The following CUX2 variants were observed in gnomAD, a reference collection of about 807,000 sequenced individuals.
The protein encoded by CUX2 is cut like homeobox 2, also known as homeobox protein cut-like 2.
In CUX2, 40 loss-of-function variants were observed where a neutral mutation model predicts 144.8. The ratio of observed to expected loss-of-function variants is 0.28; its 90% CI spans 0.21 to 0.36. The LOEUF (loss-of-function observed/expected upper bound fraction) is 0.36. CUX2 is among the 10% of genes least tolerant of loss of function. The probability of loss-of-function intolerance (pLI) is 1.00; values close to 1 mark genes in which losing one functional copy is unlikely to be tolerated. For missense variants in CUX2, 1,615 were observed against 1,994.0 expected (o/e 0.81, Z 3.62); for synonymous variants, 827 against 875.6 (o/e 0.94, Z 0.98).
chr12:111,344,814 T>G (rs773836070), intron 21 of CUX2, among the ~76,000 whole-genome samples: 1 of 152,208 alleles, frequency 6.6e-6, no homozygotes, highest in Non-Finnish European at 1.5e-5. Context: ...CTTGAGACCA[T>G]GCCAGTTCCT....
chr12:111,231,708 G>T (rs1882469005), intron 3 of CUX2, among the ~76,000 whole-genome samples: 2 of 152,140 alleles, frequency 1.3e-5, no homozygotes, highest in South Asian at 4.1e-4. Flanking sequence ...AAAAATAATA[G>T]TACAACAATT....
chr12:111,077,970 G>A lies in CUX2; in HGVS notation c.63+43730G>A, dbSNP rs1871629653. On this transcript the variant is annotated intron_variant, in intron 1 of 21. Transcript: ENST00000261726. This position sits in a 1 kb window ranked among gnomAD's most constrained non-coding sequence, Gnocchi z 4.1. ...CAAGAAAGAAGAGAGGAAACAAAGG[G>A]AGTCCAGGTGGTACCCAGGGGTGGC... is the stretch of plus-strand genomic sequence containing the variant. Among the ~76,000 whole-genome samples, 1 of 152,228 alleles carries A rather than the reference G, an allele frequency of 6.6e-6. No individual in the cohort carries two copies. Among genetic ancestry groups the A allele is most frequent in the Admixed American group, 6.5e-5 (1 of 15,292 alleles).
intron 1 of CUX2, among the ~76,000 whole-genome samples, chr12:111,064,995 T>C (rs191977065): frequency 5.1e-4 from 77 of 152,372 alleles, no homozygotes; most frequent in African/African-American, 1.8e-3. Context: ...CTGTGTATAA[T>C]AATTTCATTA....
intron 3 of CUX2, among the ~76,000 whole-genome samples, chr12:111,220,825 A>G (rs1350814028): frequency 6.8e-6 from 1 of 147,178 alleles, no homozygotes; most frequent in Non-Finnish European, 1.5e-5. Flanking sequence ...AGTCCCAGCT[A>G]CTCAGGAGGC....
At chr12:111,267,492 G>A (rs959799781) in intron 4 of CUX2, among the ~76,000 whole-genome samples, 2 of 152,188 alleles carry the variant, frequency 1.3e-5, no homozygotes, top group African/African-American at 2.4e-5. Context: ...TGTGACTCGG[G>A]TCTCATCATG....
At chr12:111,149,659 A>G (rs1385791430) in intron 1 of CUX2, among the ~76,000 whole-genome samples, 2 of 152,200 alleles carry the variant, frequency 1.3e-5, no homozygotes, top group African/African-American at 4.8e-5. Context: ...TCGTGTTTTA[A>G]AGCCACACCA....
Position 111,119,675 on chromosome 12 carries a change from G to C in CUX2, c.63+85435G>C, listed in dbSNP as rs371102470. 3.7e-4 allele frequency among the ~76,000 whole-genome samples: 56 copies of C among 152,292 alleles called. No individual in the cohort carries two copies. In the East Asian group the frequency reaches 8.5e-3, roughly 23 times the overall value. ...GGATCCCATGAGTCTTGTTCTCTCA[G>C]TCTAGTGCCCGACCTTTGGGTCTCA... On this transcript the variant is annotated intron_variant, in intron 1 of 21. Coordinates refer to ENST00000261726, the MANE Select transcript of CUX2 (RefSeq NM_015267.4).
rs1477054476 is a variant in CUX2, at chr12:111,246,403, C to T, written c.223-17358C>T. ...TTTAGGATGATTTCTAGACTTAATA[C>T]ATATAAAGCACTTAAAACGGTGCCC... is the stretch of plus-strand genomic sequence containing the variant. On this transcript the variant is annotated intron_variant, in intron 3 of 21. Coordinates refer to ENST00000261726, the MANE Select transcript of CUX2 (RefSeq NM_015267.4). The surrounding 1 kb of genome is among the most constrained non-coding windows in gnomAD (Gnocchi z 4.0). Among the ~76,000 whole-genome samples, 1 of 152,160 alleles carries T rather than the reference C, an allele frequency of 6.6e-6. No homozygotes were observed. The highest frequency in any genetic ancestry group is 1.5e-5 in the Non-Finnish European group (1 of 68,032).
At position 111,077,723 on chromosome 12, in the gene CUX2, C is replaced by T. The variant is rs1313646605; in HGVS notation, c.63+43483C>T. Among the ~76,000 whole-genome samples, 5 of 152,004 alleles carry T rather than the reference C, an allele frequency of 3.3e-5. No individual in the cohort carries two copies. The highest frequency in any genetic ancestry group is 7.3e-5 in the African/African-American group (3 of 41,358). ...TACAAGAGTGTTTGTTTTTTGGGGGCCATACGCAAATTCCCACCCAGATCC... is the reference window on the plus strand; with the variant it reads ...TACAAGAGTGTTTGTTTTTTGGGGGTCATACGCAAATTCCCACCCAGATCC... On this transcript the variant is annotated intron_variant, in intron 1 of 21. Coordinates refer to ENST00000261726, the MANE Select transcript of CUX2 (RefSeq NM_015267.4). The surrounding 1 kb of genome is among the most constrained non-coding windows in gnomAD (Gnocchi z 4.1).
At chr12:111,343,961 G>A (rs865787882) in intron 21 of CUX2, among the ~76,000 whole-genome samples, 1 of 152,092 alleles carries the variant, frequency 6.6e-6, no homozygotes, top group Non-Finnish European at 1.5e-5. Flanking sequence ...GCTGAGACAC[G>A]AGAATCACTT....
At chr12:111,219,587 A>G (rs1433865926) in intron 3 of CUX2, among the ~76,000 whole-genome samples, 1 of 152,200 alleles carries the variant, frequency 6.6e-6, no homozygotes, top group African/African-American at 2.4e-5. Flanking sequence ...TTAGAGCCTC[A>G]GTTTTCCCTA....
rs929833202 is a variant in CUX2, at chr12:111,077,506, G to A, written c.63+43266G>A. ...ATAATTTACGGTCCCTCGGAGCGGC[G>A]AGGAGCAGGTCACTGGAGTTCATGG... On this transcript the variant is annotated intron_variant, in intron 1 of 21. Coordinates refer to ENST00000261726, the MANE Select transcript of CUX2 (RefSeq NM_015267.4). This position sits in a 1 kb window ranked among gnomAD's most constrained non-coding sequence, Gnocchi z 4.1. 4.6e-5 allele frequency among the ~76,000 whole-genome samples: 7 copies of A among 152,206 alleles called. No homozygotes were observed. The highest frequency in any genetic ancestry group is 2.0e-4 in the Admixed American group (3 of 15,282).
intron 1 of CUX2, among the ~76,000 whole-genome samples, chr12:111,201,339 C>T (rs1174275747): frequency 6.6e-6 from 1 of 152,164 alleles, no homozygotes; most frequent in African/African-American, 2.4e-5. Flanking sequence ...TCTGCTCAGC[C>T]AACCCCTCTG....
intron 1 of CUX2, among the ~76,000 whole-genome samples, chr12:111,140,920 C>G (rs977786533): frequency 6.6e-6 from 1 of 152,296 alleles, no homozygotes; most frequent in Admixed American, 6.5e-5. Context: ...AGCAGGGAGC[C>G]TCAGGTGACG....
intron 19 of CUX2, among the ~76,000 whole-genome samples, chr12:111,335,315 C>T (rs895962872): frequency 1.3e-5 from 2 of 152,044 alleles, no homozygotes; most frequent in Non-Finnish European, 2.9e-5. Flanking sequence ...ATCGCTTGAA[C>T]CTGGGAGGCA....
At chr12:111,155,100 T>A (rs1348592105) in intron 1 of CUX2, among the ~76,000 whole-genome samples, 1 of 152,194 alleles carries the variant, frequency 6.6e-6, no homozygotes, top group Non-Finnish European at 1.5e-5. Flanking sequence ...GACATAATTG[T>A]CAGTGGGCCT....
intron 3 of CUX2, among the ~76,000 whole-genome samples, chr12:111,240,100 C>T (rs984916133): frequency 4.6e-5 from 7 of 152,248 alleles, no homozygotes; most frequent in African/African-American, 1.4e-4. Flanking sequence ...GCTATTCTCG[C>T]CACTTTACAG....
At chr12:111,318,055 TTTGTTG>T (rs574274806) in intron 16 of CUX2, among the ~76,000 whole-genome samples, 3 of 151,310 alleles carry the variant, frequency 2.0e-5, no homozygotes, top group African/African-American at 7.3e-5. Context: ...TGGACTTGTT[TTTGTTG>T]TTGTTGTTGT....
At chr12:111,238,077 C>T (rs1471603208) in intron 3 of CUX2, among the ~76,000 whole-genome samples, 1 of 152,246 alleles carries the variant, frequency 6.6e-6, no homozygotes, top group South Asian at 2.1e-4. Context: ...CTAACACCTA[C>T]GTGTCTTTCA....
Sources: gnomAD v4.1 joint callset for allele counts (sites outside exome capture counted in the v4.1 genomes callset) on GRCh38, gnomAD v4.1.1 for gene constraint, Gnocchi (gnomAD v3.1) non-coding constraint, MANE v1.5 for transcripts, NCBI Gene and HGNC (gene_info 2026-07-23, HGNC 2026-07-21) for gene names.